The following TBC1D5 variants were observed in gnomAD, a reference collection of about 807,000 sequenced individuals.
TBC1D5 encodes TBC1 domain family member 5.
TBC1D5 carries 75 observed loss-of-function variants against 100.3 expected under a neutral mutation model. The observed-to-expected ratio is 0.75, with a 90% CI of 0.62 to 0.91. The LOEUF is 0.91. Ranked by LOEUF, TBC1D5 falls within the 40% of genes least tolerant of loss-of-function variation. TBC1D5 has a pLI of 0.00. For synonymous variants in TBC1D5, 323 were observed against 325.6 expected, an observed-to-expected ratio of 0.99 and a Z score of 0.09; for missense variants, 910 against 942.4, an observed-to-expected ratio of 0.97 and a Z score of 0.45.
chr3:17,292,077 C>A, intron 14 of TBC1D5, 76 bp from the exon 15 acceptor site: 1 of 1,290,520 alleles, frequency 7.7e-7, no homozygotes, highest in Non-Finnish European at 1.1e-6. Context: ...TAAAATCTAA[C>A]AACTTAAGAG....
chr3:17,196,163 G>A (rs1310064386), intron 18 of TBC1D5, among the ~76,000 whole-genome samples: 1 of 152,190 alleles, frequency 6.6e-6, no homozygotes, highest in Non-Finnish European at 1.5e-5. Context: ...GTAGTTCTCT[G>A]ACATTCAAAA....
At chr3:17,587,352 G>A (rs1259505768) in intron 2 of TBC1D5, among the ~76,000 whole-genome samples, 1 of 151,786 alleles carries the variant, frequency 6.6e-6, no homozygotes, top group East Asian at 1.9e-4. Flanking sequence ...GCTTACTGGT[G>A]GCTTAGCACA....
intron 1 of TBC1D5, among the ~76,000 whole-genome samples, chr3:17,672,176 C>T (rs2068017024): frequency 6.6e-6 from 1 of 152,060 alleles, no homozygotes. Context: ...ATGACTTCTA[C>T]CAAATACATG....
intron 13 of TBC1D5, among the ~76,000 whole-genome samples, chr3:17,344,083 G>A (rs2089468378): frequency 6.6e-6 from 1 of 151,974 alleles, no homozygotes; most frequent in South Asian, 2.1e-4. Flanking sequence ...GATCTTTCCT[G>A]CTTTCTCTTG....
At chr3:17,527,622 C>A (rs1252384763) in intron 2 of TBC1D5, among the ~76,000 whole-genome samples, 1 of 152,040 alleles carries the variant, frequency 6.6e-6, no homozygotes, top group African/African-American at 2.4e-5. Flanking sequence ...AGGTTAAGAA[C>A]AAAGGCAAGT....
At chr3:17,196,240 A>T (rs1267250460) in intron 18 of TBC1D5, among the ~76,000 whole-genome samples, 1 of 152,148 alleles carries the variant, frequency 6.6e-6, no homozygotes, top group African/African-American at 2.4e-5. Flanking sequence ...AGGTTTGGGG[A>T]GGGGCTCTGA....
At chr3:17,585,416 A>G (rs566804752) in intron 2 of TBC1D5, among the ~76,000 whole-genome samples, 18 of 152,224 alleles carry the variant, frequency 1.2e-4, no homozygotes, top group Non-Finnish European at 1.9e-4. Context: ...AGACATGATT[A>G]TATCAAAAAT....
intron 15 of TBC1D5, among the ~76,000 whole-genome samples, chr3:17,273,056 G>A (rs1217485611): frequency 6.6e-6 from 1 of 151,882 alleles, no homozygotes; most frequent in Non-Finnish European, 1.5e-5. Flanking sequence ...GTTTCATTCT[G>A]AAAGAGCACT....
At chr3:17,410,023 T>C (rs778836334) in intron 4 of TBC1D5, among the ~76,000 whole-genome samples, 29 of 152,144 alleles carry the variant, frequency 1.9e-4, no homozygotes, top group Non-Finnish European at 3.5e-4. Flanking sequence ...GAGGATGCCA[T>C]CTAGGACTTT....
chr3:17,567,760 G>A (rs569927090), intron 2 of TBC1D5, among the ~76,000 whole-genome samples: 13 of 151,684 alleles, frequency 8.6e-5, no homozygotes, highest in African/African-American at 2.9e-4. Context: ...TATATACAGC[G>A]CAGCAGTTAA....
At chr3:17,683,411 C>A (rs928840982) in intron 1 of TBC1D5, among the ~76,000 whole-genome samples, 2 of 151,334 alleles carry the variant, frequency 1.3e-5, no homozygotes, top group African/African-American at 4.9e-5. Context: ...ACAAATTCTT[C>A]TTTTGTATGT....
intron 3 of TBC1D5, among the ~76,000 whole-genome samples, chr3:17,476,990 T>C (rs1024804061): frequency 2.6e-5 from 4 of 151,446 alleles, no homozygotes; most frequent in African/African-American, 9.7e-5. Flanking sequence ...TTTCTAATTT[T>C]AAAGAGAAAA....
At chr3:17,324,031 A>G (rs1367669305) in intron 13 of TBC1D5, among the ~76,000 whole-genome samples, 2 of 152,214 alleles carry the variant, frequency 1.3e-5, no homozygotes, top group Non-Finnish European at 2.9e-5. Context: ...TTTATGGTCA[A>G]TTGATTCTTG....
chr3:17,602,057 C>G (rs1333001472), intron 2 of TBC1D5, among the ~76,000 whole-genome samples: 1 of 152,002 alleles, frequency 6.6e-6, no homozygotes, highest in African/African-American at 2.4e-5. Context: ...GGTCTCAATC[C>G]CCTGACCTCG....
intron 8 of TBC1D5, among the ~76,000 whole-genome samples, chr3:17,402,242 A>G (rs1447423350): frequency 1.3e-5 from 2 of 152,140 alleles, no homozygotes; most frequent in Admixed American, 1.3e-4. Context: ...AAAGAAATGA[A>G]TATCAGAGAG....
intron 15 of TBC1D5, among the ~76,000 whole-genome samples, chr3:17,266,384 T>C (rs2078852517): frequency 2.0e-5 from 3 of 152,198 alleles, no homozygotes; most frequent in Admixed American, 2.0e-4. Flanking sequence ...AACCTAGACT[T>C]TGTATCTTAT....
intron 2 of TBC1D5, among the ~76,000 whole-genome samples, chr3:17,597,459 C>T (rs112324996): frequency 6.6e-6 from 1 of 152,302 alleles, no homozygotes; most frequent in African/African-American, 2.4e-5. Flanking sequence ...AATCTGACCC[C>T]AGTATCCATT....
chr3:17,269,634 T>TCTCC (rs796913159), intron 15 of TBC1D5, among the ~76,000 whole-genome samples: 20 of 151,888 alleles, frequency 1.3e-4, no homozygotes, highest in South Asian at 6.2e-4. Context: ...ATGGGTCTTG[T>TCTCC]CTCCCTCCCT....
chr3:17,405,380 G>T (rs548935048), intron 5 of TBC1D5, among the ~76,000 whole-genome samples: 3 of 152,094 alleles, frequency 2.0e-5, no homozygotes, highest in African/African-American at 7.2e-5. Flanking sequence ...GTAAAAGTTA[G>T]TGAACAACAG....
Sources: allele counts gnomAD v4.1 joint callset (sites outside exome capture counted in the v4.1 genomes callset), GRCh38; gene constraint gnomAD v4.1.1; transcripts MANE v1.5; gene names NCBI Gene and HGNC (gene_info 2026-07-23, HGNC 2026-07-21).